Variants in EFTUD2 observed in about 807,000 individuals in gnomAD.
The protein encoded by EFTUD2 is 116 kDa U5 small nuclear ribonucleoprotein component.
Under a neutral mutation model 114.3 loss-of-function variants are expected in EFTUD2, and 9 were observed. The observed-to-expected ratio is 0.08, with a 90% CI of 0.05 to 0.14. The LOEUF (loss-of-function observed/expected upper bound fraction) is 0.14, where lower values mean the gene tolerates loss of function less well. EFTUD2 is among the 10% of genes least tolerant of loss of function. The pLI is 1.00. For missense variants in EFTUD2, 765 were observed against 1,241.2 expected, an observed-to-expected ratio of 0.62 and a Z score of 5.76; for synonymous variants, 449 against 462.3, an observed-to-expected ratio of 0.97 and a Z score of 0.37.
Position 44,868,276 on chromosome 17 carries a change from A to AC in EFTUD2, c.1058+10dup. 6.2e-7 allele frequency: 1 copy of AC among 1,612,172 alleles called. No individual in the cohort carries two copies. Among genetic ancestry groups the AC allele is most frequent in the Non-Finnish European group, 8.5e-7 (1 of 1,178,968 alleles). On this transcript the variant is annotated intron_variant, in intron 12 of 27. Coordinates refer to ENST00000426333, the MANE Select transcript of EFTUD2 (RefSeq NM_004247.4). ...ACCCCTCTGGAAAGTCACGTCCCAT[A>AC]CTCTACTTACGTCTTAGGGTTGAAG...
At chr17:44,853,238 T>C in intron 25 of EFTUD2, 58 bp downstream of exon 25, 5 of 1,559,176 alleles carry the variant, frequency 3.2e-6, no homozygotes, top group Non-Finnish European at 4.4e-6. Flanking sequence ...GGAGCCGAGG[T>C]GACTCTTGTT....
chr17:44,895,000 C>T (rs973277785), intron 1 of EFTUD2, among the ~76,000 whole-genome samples: 2 of 152,284 alleles, frequency 1.3e-5, no homozygotes, highest in African/African-American at 4.8e-5. Context: ...AATGGCTCAT[C>T]ACCTCCTAAT....
chr17:44,888,796 C>A (rs904640387), intron 2 of EFTUD2, among the ~76,000 whole-genome samples: 12 of 152,120 alleles, frequency 7.9e-5, no homozygotes, highest in Non-Finnish European at 1.8e-4. Context: ...GGGGAAAGCT[C>A]AGTACTTAGG....
At chr17:44,896,470 AC>A (rs1567758402) in intron 1 of EFTUD2, among the ~76,000 whole-genome samples, 1 of 152,160 alleles carries the variant, frequency 6.6e-6, no homozygotes, top group Non-Finnish European at 1.5e-5. Flanking sequence ...ACACAGTGAA[AC>A]CCCGTCTCTA....
At chr17:44,878,686 T>C (rs1370158519) in intron 9 of EFTUD2, among the ~76,000 whole-genome samples, 1 of 148,978 alleles carries the variant, frequency 6.7e-6, no homozygotes, top group Non-Finnish European at 1.5e-5. Flanking sequence ...TCTCTCTGTG[T>C]GTGTCTGAAC....
Position 44,880,597 on chromosome 17 carries a change from G to A in EFTUD2, c.576C>T (p.Asp192=), listed in dbSNP as rs542718177. 97 of 1,613,804 alleles carry A rather than the reference G, an allele frequency of 6.0e-5. 2 individuals carry two copies. In the Middle Eastern group the frequency reaches 2.0e-3, roughly 33 times the overall value. The change falls in exon 8 of 28, where the codon GAC becomes GAT. Residue 192 remains aspartate, a synonymous_variant. Transcript: ENST00000426333. The stretch of plus-strand genomic sequence containing the variant: ...TGAAGAGATAAGATTTTCCTTTGGT[G>A]TCTGGCAAGACCACTGTCACAGGAG... ...KSTPVTVVLP[D]TKGKSYLFNI... is the part of the protein sequence containing the mutation.
chr17:44,871,252 T>C (rs566523941), intron 11 of EFTUD2, among the ~76,000 whole-genome samples: 1 of 152,088 alleles, frequency 6.6e-6, no homozygotes, highest in East Asian at 2.0e-4. Context: ...CTCAAACTAC[T>C]GGGCTCAAGT....
At chr17:44,859,329 T>C (rs188662327) in intron 18 of EFTUD2, 148 bp from the exon 19 acceptor site, 13 of 659,150 alleles carry the variant, frequency 2.0e-5, no homozygotes, top group Middle Eastern at 3.8e-4. Flanking sequence ...GAAGGTTCAG[T>C]GAGGAGCATC....
chr17:44,864,867 G>A, intron 14 of EFTUD2, 63 bp downstream of exon 14: 1 of 1,573,806 alleles, frequency 6.4e-7, no homozygotes, highest in South Asian at 1.2e-5. Context: ...AGAAAAAATT[G>A]CTGTGATACC....
At chr17:44,877,084 T>A (rs753766325) in intron 9 of EFTUD2, among the ~76,000 whole-genome samples, 93 of 152,072 alleles carry the variant, frequency 6.1e-4, no homozygotes, top group Non-Finnish European at 1.0e-3. Flanking sequence ...TAGTCCCAGC[T>A]ATTTGGGAGG....
intron 20 of EFTUD2, among the ~76,000 whole-genome samples, 165 bp downstream of exon 20, chr17:44,856,910 G>A (rs1347713664): frequency 6.6e-6 from 1 of 152,168 alleles, no homozygotes; most frequent in Non-Finnish European, 1.5e-5. Flanking sequence ...AAAGGCAGAA[G>A]GGCTGAGAGG....
chr17:44,894,840 G>T (rs745559995), intron 1 of EFTUD2, among the ~76,000 whole-genome samples: 16 of 152,196 alleles, frequency 1.1e-4, no homozygotes, highest in Admixed American at 3.3e-4. Flanking sequence ...TGGGGCGTGG[G>T]GGGCGCTCCA....
intron 9 of EFTUD2, among the ~76,000 whole-genome samples, chr17:44,878,709 A>G (rs1030939027): frequency 1.3e-5 from 2 of 152,222 alleles, no homozygotes; most frequent in Admixed American, 6.5e-5. Context: ...GTACAGAGAG[A>G]GAATTACGAA....
chr17:44,855,157 C>T (rs1371203441), intron 20 of EFTUD2, among the ~76,000 whole-genome samples, 153 bp from the exon 21 acceptor site: 3 of 152,176 alleles, frequency 2.0e-5, no homozygotes, highest in Non-Finnish European at 4.4e-5. Context: ...AATCCCAGCA[C>T]TTTGAGAGGC....
chr17:44,873,256 T>C (rs1430551717), intron 10 of EFTUD2: 1 of 152,252 alleles, frequency 6.6e-6, no homozygotes, highest in Non-Finnish European at 1.5e-5. Flanking sequence ...CCCCAAGTTA[T>C]GCTCCCTAGA....
chr17:44,886,757 G>T lies in EFTUD2; in HGVS notation c.106-7C>A. The T allele has an allele frequency of 2.5e-6, 4 of 1,611,756 alleles. No individual in the cohort carries two copies. Among genetic ancestry groups the T allele is most frequent in the Non-Finnish European group, 3.4e-6 (4 of 1,179,134 alleles). On this transcript the variant is annotated splice_region_variant and splice_polypyrimidine_tract_variant and intron_variant, in intron 2 of 27. Coordinates refer to ENST00000426333, the MANE Select transcript of EFTUD2 (RefSeq NM_004247.4). ...CGTCGTCATCATCATCCATCTGAAA[G>T]CAAGAGGGAGAGGGAGAATCGAAGA...
intron 1 of EFTUD2, among the ~76,000 whole-genome samples, chr17:44,895,358 C>T (rs1386607972): frequency 1.3e-5 from 2 of 151,954 alleles, no homozygotes; most frequent in Non-Finnish European, 2.9e-5. Context: ...TAGCTGGGTA[C>T]GGTGGCTCAC....
intron 13 of EFTUD2, among the ~76,000 whole-genome samples, chr17:44,867,508 T>C (rs2050769953): frequency 6.6e-6 from 1 of 151,850 alleles, no homozygotes; most frequent in Non-Finnish European, 1.5e-5. Flanking sequence ...TCGTGTTGCC[T>C]AGGCTGGTCT....
chr17:44,883,535 T>C, intron 5 of EFTUD2, 114 bp downstream of exon 5: 1 of 980,138 alleles, frequency 1.0e-6, no homozygotes, highest in East Asian at 2.4e-5. Flanking sequence ...GCACCCCTAG[T>C]CAGGAGGTTG....
Sources: gnomAD v4.1 joint callset for allele counts (sites outside exome capture counted in the v4.1 genomes callset) on GRCh38, gnomAD v4.1.1 for gene constraint, MANE v1.5 for transcripts, NCBI Gene and HGNC (gene_info 2026-07-23, HGNC 2026-07-21) for gene names.